Variants in CSNK1G1 observed in about 807,000 individuals in gnomAD.
CSNK1G1 encodes the protein casein kinase I isoform gamma-1.
A neutral mutation model predicts 59.6 loss-of-function variants in CSNK1G1; 22 were observed. The observed-to-expected ratio is 0.37, with a 90% CI of 0.26 to 0.53. The LOEUF (loss-of-function observed/expected upper bound fraction) is 0.53, where lower values mean the gene tolerates loss of function less well. Ranked by LOEUF, CSNK1G1 falls within the 20% of genes least tolerant of loss-of-function variation. The pLI, the probability that CSNK1G1 is intolerant of heterozygous loss-of-function variation, is 0.89. For synonymous variants in CSNK1G1, 179 were observed against 177.1 expected (o/e 1.01, Z -0.08); for missense variants, 384 against 519.5 (o/e 0.74, Z 2.54).
chr15:64,224,350 T>C (rs2082428934), intron 4 of CSNK1G1, among the ~76,000 whole-genome samples: 1 of 152,128 alleles, frequency 6.6e-6, no homozygotes, highest in African/African-American at 2.4e-5. Flanking sequence ...GAAAATAATA[T>C]TAAACATGTA....
At chr15:64,292,735 C>A (rs1416752737) in intron 2 of CSNK1G1, among the ~76,000 whole-genome samples, 2 of 151,944 alleles carry the variant, frequency 1.3e-5, no homozygotes, top group African/African-American at 4.8e-5. Context: ...CCATCCTGGC[C>A]AACTTGGTGA....
At chr15:64,237,395 T>C (rs1035292148) in intron 4 of CSNK1G1, among the ~76,000 whole-genome samples, 10 of 152,322 alleles carry the variant, frequency 6.6e-5, no homozygotes, top group Middle Eastern at 3.4e-3. Context: ...TACTTTCTTT[T>C]ACCAGGTTCA....
At chr15:64,266,869 A>T (rs1219928918) in intron 2 of CSNK1G1, among the ~76,000 whole-genome samples, 1 of 152,208 alleles carries the variant, frequency 6.6e-6, no homozygotes, top group Non-Finnish European at 1.5e-5. Flanking sequence ...ACTCAAAATG[A>T]ATTAAAGACT....
chr15:64,344,431 C>T (rs886734355), intron 1 of CSNK1G1, among the ~76,000 whole-genome samples: 2 of 152,244 alleles, frequency 1.3e-5, no homozygotes, highest in Non-Finnish European at 1.5e-5. Context: ...GCAAAAAATA[C>T]ATTAAGATTC....
rs540141845 is a variant in CSNK1G1 at position 64,190,253 on chromosome 15, C to T, written c.1108-9799G>A. On this transcript the variant is annotated intron_variant, in intron 10 of 11. Transcript: ENST00000303052. ...GAGAAGGCAGCTGTATGGACTTGCT[C>T]TATTACCTTATAAATGAGGGGTTTG... 5.9e-5 allele frequency among the ~76,000 whole-genome samples: 9 copies of T among 152,256 alleles called. 1 individual carries two copies. The South Asian group carries it at 1.7e-3, about 28-fold the overall frequency.
chr15:64,338,316 T>C (rs1897494814), intron 1 of CSNK1G1, among the ~76,000 whole-genome samples: 1 of 152,184 alleles, frequency 6.6e-6, no homozygotes, highest in Non-Finnish European at 1.5e-5. Context: ...AAGTGATATT[T>C]AGTATGATAG....
At chr15:64,316,604 C>A (rs753428804) in intron 1 of CSNK1G1, among the ~76,000 whole-genome samples, 6 of 150,718 alleles carry the variant, frequency 4.0e-5, no homozygotes, top group Non-Finnish European at 7.4e-5. Context: ...AGGGAGGAGA[C>A]CACCCCTCAT....
intron 4 of CSNK1G1, among the ~76,000 whole-genome samples, chr15:64,244,623 C>T (rs1891655592): frequency 6.6e-6 from 1 of 152,114 alleles, no homozygotes; most frequent in Admixed American, 6.6e-5. Context: ...TGGCTCACAC[C>T]TGTAATCCCA....
intron 10 of CSNK1G1, chr15:64,181,116 G>A: frequency 7.0e-7 from 1 of 1,429,034 alleles, no homozygotes; most frequent in Non-Finnish European, 9.1e-7. Flanking sequence ...CAAATAACAA[G>A]ATTGTCACAT....
At chr15:64,291,549 T>C (rs1056686257) in intron 2 of CSNK1G1, among the ~76,000 whole-genome samples, 88 of 152,120 alleles carry the variant, frequency 5.8e-4, no homozygotes, top group African/African-American at 2.0e-3. Context: ...GATCATGCCA[T>C]TGCACTCCAG....
chr15:64,246,246 T>C (rs889006677), intron 4 of CSNK1G1, among the ~76,000 whole-genome samples: 6 of 152,200 alleles, frequency 3.9e-5, no homozygotes. Flanking sequence ...ATGAACCGCC[T>C]ACTAGGTATT....
chr15:64,178,482 CTTTTT>C (rs1175775132), intron 11 of CSNK1G1, among the ~76,000 whole-genome samples: 1 of 123,762 alleles, frequency 8.1e-6, no homozygotes, highest in Non-Finnish European at 1.7e-5. Context: ...CAAAAATTTT[CTTTTT>C]TTTTTTTTTT....
chr15:64,326,558 C>A (rs986892995), intron 1 of CSNK1G1, among the ~76,000 whole-genome samples: 5 of 151,814 alleles, frequency 3.3e-5, no homozygotes, highest in Non-Finnish European at 7.4e-5. Flanking sequence ...GCAGGAGAAT[C>A]GCTTGAACCT....
chr15:64,331,158 C>T (rs1007546261), intron 1 of CSNK1G1, among the ~76,000 whole-genome samples: 4 of 147,080 alleles, frequency 2.7e-5, no homozygotes, highest in Non-Finnish European at 4.5e-5. Flanking sequence ...ACTTTCTTCA[C>T]AGAATTGGAA....
chr15:64,201,706 ATGTGTGTGTGTGTGTGTG>A (rs10664838), intron 10 of CSNK1G1, among the ~76,000 whole-genome samples: 9 of 126,474 alleles, frequency 7.1e-5, no homozygotes, highest in Admixed American at 4.7e-4. Flanking sequence ...TCCATTGGAC[ATGTGTGTGTGTGTGTGTG>A]TGTGTGTGTG....
chr15:64,343,236 C>CACACACACACACACACACACACACACA (rs1555405238), intron 1 of CSNK1G1, among the ~76,000 whole-genome samples: 52 of 150,618 alleles, frequency 3.5e-4, no homozygotes, highest in South Asian at 1.3e-3. Context: ...CACACACACA[C>CACACACACACACACACACACACACACA]CTCTTCTAAA....
chr15:64,268,802 G>A (rs1396242041), intron 2 of CSNK1G1, among the ~76,000 whole-genome samples: 1 of 152,112 alleles, frequency 6.6e-6, no homozygotes, highest in East Asian at 1.9e-4. Context: ...CTGGGATAGG[G>A]TCTGGCAACC....
intron 2 of CSNK1G1, among the ~76,000 whole-genome samples, chr15:64,291,989 G>A (rs1022242374): frequency 1.3e-5 from 2 of 152,112 alleles, no homozygotes; most frequent in South Asian, 2.1e-4. Context: ...ACAAGGTCAG[G>A]AGATCGAGGC....
At chr15:64,242,630 G>T (rs150046426) in intron 4 of CSNK1G1, among the ~76,000 whole-genome samples, 5 of 152,008 alleles carry the variant, frequency 3.3e-5, no homozygotes, top group Non-Finnish European at 5.9e-5. Flanking sequence ...GGCCTAATAC[G>T]GCTTCACTAC....
Sources: gnomAD v4.1 joint callset for allele counts (sites outside exome capture counted in the v4.1 genomes callset) on GRCh38, gnomAD v4.1.1 for gene constraint, MANE v1.5 for transcripts, NCBI Gene and HGNC (gene_info 2026-07-23, HGNC 2026-07-21) for gene names.